Variants in SHOC1 observed in about 807,000 individuals in gnomAD.
SHOC1 encodes shortage in chiasmata 1.
In SHOC1, 136 loss-of-function variants were observed where a neutral mutation model predicts 179.2. That is an observed-to-expected ratio of 0.76 (90% CI 0.66 to 0.87). The LOEUF (loss-of-function observed/expected upper bound fraction) is 0.87, where lower values mean the gene tolerates loss of function less well. Ranked by LOEUF, SHOC1 falls within the 40% of genes least tolerant of loss-of-function variation. The pLI is 0.00. For synonymous variants in SHOC1, 489 were observed against 586.6 expected (o/e 0.83, Z 2.41); for missense variants, 1,538 against 1,700.8 (o/e 0.90, Z 1.68).
chr9:111,704,855 A>AT (rs1363967935), intron 21 of SHOC1, among the ~76,000 whole-genome samples: 2 of 152,188 alleles, frequency 1.3e-5, no homozygotes, highest in African/African-American at 2.4e-5. Context: ...CTCATTCTCA[A>AT]TATTATCAAT....
intron 12 of SHOC1, among the ~76,000 whole-genome samples, chr9:111,734,144 A>AT (rs1222382479): frequency 1.3e-5 from 2 of 152,128 alleles, no homozygotes; most frequent in Non-Finnish European, 2.9e-5. Context: ...TTAAACATTC[A>AT]TTTTTTTACA....
intron 5 of SHOC1, among the ~76,000 whole-genome samples, chr9:111,759,707 A>G (rs4378032): frequency 0.8 from 122,282 of 152,164 alleles, 49,304 homozygotes; most frequent in East Asian, 0.92. Context: ...ATGGTTTCTC[A>G]TCCTGGGTAT....
At chr9:111,782,415 G>A (rs895614688) in intron 3 of SHOC1, among the ~76,000 whole-genome samples, 11 of 152,032 alleles carry the variant, frequency 7.2e-5, no homozygotes, top group African/African-American at 2.7e-4. Flanking sequence ...AATGTAATGT[G>A]GCATGCAAAC....
Position 111,699,998 on chromosome 9 carries a change from C to A in SHOC1, c.3139G>T (p.Ala1047Ser), listed in dbSNP as rs1311352726. Reference protein sequence around the residue: ...TLHHLALIYAALVSFGLNSEE... With the variant: ...TLHHLALIYASLVSFGLNSEE... ...GAGTTTAGCCCAAATGAAACCAAAG[C>A]TGCATAAATCAGTGCTAGGTGATGA... The change falls in exon 24 of 28, where the codon GCT becomes TCT. Residue 1047 changes from alanine to serine, a missense_variant. Coordinates refer to ENST00000682961, the MANE Select transcript of SHOC1 (RefSeq NM_001378211.1). 1 of 1,608,736 alleles carries A rather than the reference C, an allele frequency of 6.2e-7. No individual in the cohort carries two copies. The highest frequency in any genetic ancestry group is 2.2e-5 in the East Asian group (1 of 44,662).
At chr9:111,750,367 G>A (rs890762968) in intron 8 of SHOC1, among the ~76,000 whole-genome samples, 20 of 151,930 alleles carry the variant, frequency 1.3e-4, no homozygotes, top group African/African-American at 4.8e-4. Context: ...GTCTTGCTCT[G>A]TCACCCAGGC....
chr9:111,712,349 G>A (rs964607986), intron 18 of SHOC1, among the ~76,000 whole-genome samples: 1 of 152,162 alleles, frequency 6.6e-6, no homozygotes, highest in Non-Finnish European at 1.5e-5. Flanking sequence ...ATGATAAGTG[G>A]TAGAGAATGG....
rs1439324890 is a variant in SHOC1 at position 111,780,983 on chromosome 9, G to C, written c.204C>G (p.Thr68=). The C allele has an allele frequency of 6.2e-7, 1 of 1,613,474 alleles. No homozygotes were observed. The highest frequency in any genetic ancestry group is 2.2e-5 in the East Asian group (1 of 44,804). The change falls in exon 4 of 28, where the codon ACC becomes ACG. Residue 68 remains threonine (T), a synonymous_variant. Transcript: ENST00000682961. ...TTGCTTTCCATTGGTCCAAGACTGA[G>C]GTATCTGTCATTCCCGGAACTGAAA... The part of the protein sequence containing the change: ...SAVSVPGMTD[T]SVLDQWKASF...
intron 24 of SHOC1, among the ~76,000 whole-genome samples, chr9:111,697,945 T>A (rs1024681443): frequency 6.6e-6 from 1 of 152,242 alleles, no homozygotes; most frequent in Non-Finnish European, 1.5e-5. Context: ...TGGCCAGTGA[T>A]GATGAGCATT....
At chr9:111,705,051 A>G (rs1321488125) in intron 21 of SHOC1, among the ~76,000 whole-genome samples, 196 bp downstream of exon 21, 1 of 152,052 alleles carries the variant, frequency 6.6e-6, no homozygotes, top group Non-Finnish European at 1.5e-5. Flanking sequence ...ATAGGGAAAG[A>G]AGTATACATT....
intron 4 of SHOC1, among the ~76,000 whole-genome samples, chr9:111,780,165 G>A (rs1357162296): frequency 1.3e-5 from 2 of 152,010 alleles, no homozygotes; most frequent in South Asian, 4.2e-4. Context: ...ATGGTATATT[G>A]GGCTTCACTG....
chr9:111,698,734 G>A lies in SHOC1; in HGVS notation c.3183+1220C>T, dbSNP rs538184345. Among the ~76,000 whole-genome samples the A allele has an allele frequency of 1.3e-5, 2 of 152,268 alleles. 1 individual carries two copies. Among genetic ancestry groups the A allele is most frequent in the South Asian group, 4.1e-4 (2 of 4,830 alleles). ...AGAGAATCGGGGAATAGTATTCCTGGGGGAAGGCAGGCCAGAATGACATGT... is the reference window on the plus strand; with the variant it reads ...AGAGAATCGGGGAATAGTATTCCTGAGGGAAGGCAGGCCAGAATGACATGT... On this transcript the variant is annotated intron_variant, in intron 24 of 27. Transcript: ENST00000682961.
chr9:111,762,545 CACAAT>C (rs1361442386), intron 5 of SHOC1, among the ~76,000 whole-genome samples: 1 of 151,994 alleles, frequency 6.6e-6, no homozygotes, highest in African/African-American at 2.4e-5. Flanking sequence ...ATAGTATGAT[CACAAT>C]AGTAAAACAA....
chr9:111,780,534 T>C (rs1835997889), intron 4 of SHOC1, among the ~76,000 whole-genome samples: 1 of 152,214 alleles, frequency 6.6e-6, no homozygotes, highest in Non-Finnish European at 1.5e-5. Context: ...CATTTTTATA[T>C]CTGTATCTAA....
At chr9:111,746,840 G>A (rs886399447) in intron 9 of SHOC1, among the ~76,000 whole-genome samples, 5 of 152,022 alleles carry the variant, frequency 3.3e-5, no homozygotes, top group African/African-American at 4.8e-5. Context: ...ATAACATTGT[G>A]TCTCAATTAC....
intron 5 of SHOC1, among the ~76,000 whole-genome samples, chr9:111,772,419 T>C (rs893043885): frequency 2.0e-5 from 3 of 152,230 alleles, no homozygotes; most frequent in East Asian, 1.9e-4. Context: ...GGTCGGTCAC[T>C]GGATTTTTCC....
intron 18 of SHOC1, among the ~76,000 whole-genome samples, chr9:111,709,903 AC>A (rs1832464167): frequency 6.6e-6 from 1 of 152,122 alleles, no homozygotes; most frequent in South Asian, 2.1e-4. Flanking sequence ...CTATGTTCCC[AC>A]AAAAACTAAA....
intron 17 of SHOC1, among the ~76,000 whole-genome samples, chr9:111,713,518 G>A (rs1002833160): frequency 1.3e-5 from 2 of 152,098 alleles, no homozygotes; most frequent in Non-Finnish European, 2.9e-5. Context: ...GCTATATTTT[G>A]CTACTTACCA....
rs1835815445 is a variant in SHOC1 at position 111,775,919 on chromosome 9, G to C, written c.314C>G (p.Pro105Arg). The change falls in exon 5 of 28, where the codon CCA (proline) becomes CGA (arginine). Residue 105 changes from proline (P) to arginine (R), a missense_variant. Pro to Arg is a moderately radical substitution (Grantham distance 103). Transcript: ENST00000682961. ...QINCEFEEVV[P>R]SSNPDSQIEV... ...AATTTGGGAGTCTGGATTTGAACTT[G>C]GAACAACTTCCTCAAATTCACAATT... is the stretch of plus-strand genomic sequence containing the variant. 1.2e-6 allele frequency: 2 copies of C among 1,613,390 alleles called. No individual in the cohort carries two copies. The highest frequency in any genetic ancestry group is 3.3e-5 in the Admixed American group (2 of 59,932).
intron 26 of SHOC1, among the ~76,000 whole-genome samples, chr9:111,693,424 A>G (rs1239960404): frequency 5.1e-4 from 53 of 104,836 alleles, no homozygotes; most frequent in Admixed American, 3.4e-3. Flanking sequence ...GTTTCTACAA[A>G]AAAAAAAAAA....
Sources: allele counts gnomAD v4.1 joint callset (sites outside exome capture counted in the v4.1 genomes callset), GRCh38; gene constraint gnomAD v4.1.1; transcripts MANE v1.5; gene names NCBI Gene and HGNC (gene_info 2026-07-23, HGNC 2026-07-21).